The following SDK1 variants were observed in gnomAD, a reference collection of about 807,000 sequenced individuals.
SDK1 encodes sidekick cell adhesion molecule 1, also known as protein sidekick-1.
In SDK1, 157 loss-of-function variants were observed where a neutral mutation model predicts 245.5. That is an observed-to-expected ratio of 0.64 (90% confidence interval 0.56 to 0.73). SDK1 has a LOEUF of 0.73. SDK1 is among the 30% of genes least tolerant of loss of function. SDK1 has a pLI of 0.00. For synonymous variants in SDK1, 1,647 were observed against 1,278.5 expected, an observed-to-expected ratio of 1.29 and a Z score of -6.15; for missense variants, 3,583 against 3,002.3, an observed-to-expected ratio of 1.19 and a Z score of -4.52.
At chr7:3,496,434 CGAG>C (rs1484099016) in intron 1 of SDK1, among the ~76,000 whole-genome samples, 4 of 151,260 alleles carry the variant, frequency 2.6e-5, no homozygotes, top group Non-Finnish European at 5.9e-5. Context: ...TCCTACAACT[CGAG>C]GTATCACGCT....
At chr7:4,080,069 A>G (rs1344135644) in intron 22 of SDK1, among the ~76,000 whole-genome samples, 1 of 152,036 alleles carries the variant, frequency 6.6e-6, no homozygotes, top group Non-Finnish European at 1.5e-5. Context: ...TGTCGAGGAG[A>G]AAAGTGCTGT....
At chr7:4,248,841 G>A (rs1787099166) in intron 44 of SDK1, among the ~76,000 whole-genome samples, 1 of 151,738 alleles carries the variant, frequency 6.6e-6, no homozygotes, top group South Asian at 2.1e-4. Flanking sequence ...CATACTACAT[G>A]CATGTACGCA....
At chr7:3,924,307 G>A (rs564177705) in intron 5 of SDK1, among the ~76,000 whole-genome samples, 1 of 152,288 alleles carries the variant, frequency 6.6e-6, no homozygotes, top group South Asian at 2.1e-4. Flanking sequence ...ACAGTGAACT[G>A]TAGGCTCTCA....
At chr7:3,445,781 C>G (rs972723102) in intron 1 of SDK1, among the ~76,000 whole-genome samples, 2 of 152,118 alleles carry the variant, frequency 1.3e-5, no homozygotes, top group Non-Finnish European at 2.9e-5. Context: ...TTTCAGCCAT[C>G]AAACATAATT....
chr7:3,786,215 G>A (rs1156513523), intron 4 of SDK1, among the ~76,000 whole-genome samples: 1 of 152,148 alleles, frequency 6.6e-6, no homozygotes, highest in Non-Finnish European at 1.5e-5. Flanking sequence ...CTGGACAGAA[G>A]CATGTCTTGG....
At chr7:3,949,141 G>A (rs893092973) in intron 5 of SDK1, among the ~76,000 whole-genome samples, 3 of 152,184 alleles carry the variant, frequency 2.0e-5, no homozygotes, top group Non-Finnish European at 2.9e-5. Context: ...GAAGGTTTCC[G>A]GAGAAGCTTC....
intron 31 of SDK1, among the ~76,000 whole-genome samples, chr7:4,159,905 A>G (rs1781005797): frequency 1.3e-5 from 2 of 152,238 alleles, no homozygotes. Flanking sequence ...TACAAATTAT[A>G]ACGTTGTAGG....
chr7:4,248,420 C>T (rs1193987687), intron 44 of SDK1, among the ~76,000 whole-genome samples: 2 of 151,616 alleles, frequency 1.3e-5, no homozygotes, highest in Non-Finnish European at 2.9e-5. Flanking sequence ...TACACACATG[C>T]ACACACGTAT....
At chr7:3,445,441 A>T (rs938246513) in intron 1 of SDK1, among the ~76,000 whole-genome samples, 18 of 152,182 alleles carry the variant, frequency 1.2e-4, no homozygotes, top group Non-Finnish European at 7.4e-5. Flanking sequence ...AGAGCAAATT[A>T]TCATCTTGAA....
chr7:3,464,103 A>G (rs570171505), intron 1 of SDK1, among the ~76,000 whole-genome samples: 27 of 152,360 alleles, frequency 1.8e-4, no homozygotes, highest in African/African-American at 6.0e-4. Context: ...TATTCTAAAA[A>G]TACGCAGTTA....
At chr7:3,554,297 C>G (rs1779515320) in intron 1 of SDK1, among the ~76,000 whole-genome samples, 1 of 152,062 alleles carries the variant, frequency 6.6e-6, no homozygotes, top group South Asian at 2.1e-4. Context: ...AGAAAGACAA[C>G]AGGAAAACCT....
At chr7:3,386,551 C>T (rs1166411361) in intron 1 of SDK1, among the ~76,000 whole-genome samples, 1 of 152,210 alleles carries the variant, frequency 6.6e-6, no homozygotes, top group Non-Finnish European at 1.5e-5. Context: ...TCCGTATTCT[C>T]TGCTGAGAGA....
At chr7:4,179,891 A>G (rs1292559675) in intron 35 of SDK1, among the ~76,000 whole-genome samples, 1 of 151,846 alleles carries the variant, frequency 6.6e-6, no homozygotes, top group African/African-American at 2.4e-5. Flanking sequence ...GGGGGAGCAC[A>G]GGAAAGGAGG....
At chr7:3,663,362 T>G (rs1232355932) in intron 4 of SDK1, among the ~76,000 whole-genome samples, 4 of 152,214 alleles carry the variant, frequency 2.6e-5, no homozygotes, top group Non-Finnish European at 5.9e-5. Context: ...ACACATAGTA[T>G]CTGTTCCCTT....
At chr7:3,444,503 T>C (rs1227335716) in intron 1 of SDK1, among the ~76,000 whole-genome samples, 1 of 152,238 alleles carries the variant, frequency 6.6e-6, no homozygotes, top group Admixed American at 6.5e-5. Flanking sequence ...AGAGGAACTA[T>C]TTTCTCCTTA....
chr7:3,764,491 G>A (rs956163242), intron 4 of SDK1, among the ~76,000 whole-genome samples: 4 of 152,068 alleles, frequency 2.6e-5, no homozygotes, highest in African/African-American at 9.7e-5. Flanking sequence ...TTCGAGACCA[G>A]CCTGACCAAC....
At chr7:3,858,969 T>G (rs1218916545) in intron 5 of SDK1, among the ~76,000 whole-genome samples, 2 of 150,728 alleles carry the variant, frequency 1.3e-5, no homozygotes, top group East Asian at 3.9e-4. Context: ...TCCACGGCAT[T>G]CTCCTGCCTC....
intron 28 of SDK1, among the ~76,000 whole-genome samples, chr7:4,134,386 C>T (rs1411050887): frequency 6.6e-6 from 1 of 152,176 alleles, no homozygotes; most frequent in Non-Finnish European, 1.5e-5. Flanking sequence ...CATCTGGTGC[C>T]TGCGCAGTGA....
chr7:3,430,107 C>G (rs1221058806), intron 1 of SDK1, among the ~76,000 whole-genome samples: 3 of 152,174 alleles, frequency 2.0e-5, no homozygotes, highest in Non-Finnish European at 4.4e-5. Flanking sequence ...CAGTCAATGA[C>G]TAGGAGGACA....
Sources: allele counts gnomAD v4.1 joint callset (sites outside exome capture counted in the v4.1 genomes callset), GRCh38; gene constraint gnomAD v4.1.1; transcripts MANE v1.5; gene names NCBI Gene and HGNC (gene_info 2026-07-23, HGNC 2026-07-21).